ADCY5: variants seen among roughly 807,000 people sequenced by gnomAD.
ADCY5 encodes the protein adenylate cyclase type 5.
ADCY5 carries 30 observed loss-of-function variants against 119.7 expected under a neutral mutation model. The observed-to-expected ratio is 0.25, with a 90% CI of 0.19 to 0.34. The LOEUF (loss-of-function observed/expected upper bound fraction) is 0.34, where lower values mean the gene tolerates loss of function less well. Ranked by LOEUF, ADCY5 falls within the 10% of genes least tolerant of loss-of-function variation. The pLI is 1.00. For missense variants in ADCY5, 1,324 were observed against 1,775.2 expected (o/e 0.75, Z 4.57); for synonymous variants, 753 against 762.2 (o/e 0.99, Z 0.20).
chr3:123,290,913 G>A (rs747671035), intron 18 of ADCY5, among the ~76,000 whole-genome samples, 200 bp downstream of exon 18: 3 of 152,236 alleles, frequency 2.0e-5, no homozygotes, highest in Non-Finnish European at 4.4e-5. Context: ...TCTGTCACAT[G>A]ATGATGAGAG....
At chr3:123,327,813 G>T in intron 6 of ADCY5, 54 bp from the exon 7 acceptor site, 1 of 1,594,556 alleles carries the variant, frequency 6.3e-7, no homozygotes, top group Non-Finnish European at 8.6e-7. Flanking sequence ...AAGTCATAAT[G>T]TCAGCCCCCG....
intron 1 of ADCY5, among the ~76,000 whole-genome samples, chr3:123,442,626 C>G (rs902322038): frequency 1.3e-5 from 2 of 152,224 alleles, no homozygotes; most frequent in African/African-American, 4.8e-5. Context: ...GCTCCTGTTG[C>G]AGACGAACAT....
intron 17 of ADCY5, among the ~76,000 whole-genome samples, chr3:123,292,208 T>G (rs1939195839): frequency 6.6e-6 from 1 of 152,178 alleles, no homozygotes; most frequent in Non-Finnish European, 1.5e-5. Flanking sequence ...CCTAACTAAA[T>G]GAAGACACTT....
chr3:123,314,722 A>C (rs1188121448), intron 11 of ADCY5, among the ~76,000 whole-genome samples: 1 of 152,196 alleles, frequency 6.6e-6, no homozygotes, highest in African/African-American at 2.4e-5. Flanking sequence ...TACTCCCTCC[A>C]AGTCGTCACT....
intron 1 of ADCY5, among the ~76,000 whole-genome samples, chr3:123,383,979 CACAA>C (rs879612406): frequency 0.34 from 50,503 of 150,508 alleles, 8,970 homozygotes; most frequent in Middle Eastern, 0.49. Flanking sequence ...CACACACACA[CACAA>C]ACACACACCC....
At chr3:123,410,859 G>A (rs908050343) in intron 1 of ADCY5, among the ~76,000 whole-genome samples, 1 of 152,030 alleles carries the variant, frequency 6.6e-6, no homozygotes, top group Non-Finnish European at 1.5e-5. Flanking sequence ...TGTTGCCCAG[G>A]CTGCTCTCAA....
chr3:123,371,910 T>C (rs958750667), intron 1 of ADCY5, among the ~76,000 whole-genome samples: 4 of 150,324 alleles, frequency 2.7e-5, no homozygotes, highest in African/African-American at 9.8e-5. Flanking sequence ...GAGAGGGGAG[T>C]GAGGGGATTT....
In ADCY5 at chr3:123,291,267, C is replaced by T. The variant is rs776570997; in HGVS notation, c.3173G>A (p.Arg1058His). 5.0e-6 allele frequency: 8 copies of T among 1,613,874 alleles called. No individual in the cohort carries two copies. The highest frequency in any genetic ancestry group is 3.3e-5 in the Admixed American group (2 of 60,014). Reference protein sequence around the residue: ...VAAHFLARERRNDELYYQSCE... With the variant: ...VAAHFLARERHNDELYYQSCE... ...GGACTGATAGTAGAGCTCATCATTGCGCCGCTCGCGGGCCAGGAAGTGAGC... is the reference window on the plus strand; with the variant it reads ...GGACTGATAGTAGAGCTCATCATTGTGCCGCTCGCGGGCCAGGAAGTGAGC... Residue 1058 changes from arginine (R) to histidine (H), a missense_variant, in exon 18 of 21, where the codon CGC becomes CAC. This residue lies in a region of ADCY5 where 178 missense variants were observed against 329.6 expected (regional missense o/e 0.54). Transcript: ENST00000462833.
intron 2 of ADCY5, among the ~76,000 whole-genome samples, chr3:123,350,489 C>T (rs892263174): frequency 2.0e-5 from 3 of 152,174 alleles, no homozygotes; most frequent in African/African-American, 4.8e-5. Flanking sequence ...TGCTACAAAC[C>T]GTTTGGCTTC....
chr3:123,309,127 T>G (rs1263801526), intron 12 of ADCY5, among the ~76,000 whole-genome samples: 4 of 152,230 alleles, frequency 2.6e-5, no homozygotes, highest in Non-Finnish European at 5.9e-5. Context: ...AACAGTTTGA[T>G]CCTGGCCTCT....
chr3:123,444,900 A>G (rs1945786401), intron 1 of ADCY5, among the ~76,000 whole-genome samples: 2 of 152,206 alleles, frequency 1.3e-5, no homozygotes, highest in Non-Finnish European at 2.9e-5. Flanking sequence ...TCTAATCCCA[A>G]CCACTCTTAC....
rs753374279 is a variant in ADCY5 at position 123,448,216 on chromosome 3, G to A, written c.330C>T (p.Asp110=). ...GCTGCCGGCGGCTGCCGCGACCGCA[G>A]TCGTCGCCGCCGCGCTCCTGCCAGG... is the stretch of plus-strand genomic sequence containing the variant. ...KSAWQERGGD[D]CGRGSRRQRR... The change falls in exon 1 of 21, where the codon GAC becomes GAT. Residue 110 remains aspartate (D), a synonymous_variant. Transcript: ENST00000462833. 1.4e-5 allele frequency: 18 copies of A among 1,314,838 alleles called. No homozygotes were observed. The highest frequency in any genetic ancestry group is 1.1e-4 in the Admixed American group (3 of 27,138). 81.4% of individuals were successfully genotyped at this position (1,314,838 alleles called of 1,614,324 possible). A position where few individuals can be genotyped will look rare whatever the true frequency, so the allele number is the denominator to read the frequency against.
chr3:123,333,003 C>T (rs1941839870), intron 3 of ADCY5, among the ~76,000 whole-genome samples: 1 of 151,920 alleles, frequency 6.6e-6, no homozygotes, highest in East Asian at 1.9e-4. Flanking sequence ...AAGCAATCCA[C>T]CCACCTTGGC....
chr3:123,396,928 C>A (rs1473822338), intron 1 of ADCY5, among the ~76,000 whole-genome samples: 1 of 152,088 alleles, frequency 6.6e-6, no homozygotes, highest in Non-Finnish European at 1.5e-5. Flanking sequence ...GGGCACTTCA[C>A]ACACATGCCT....
At position 123,303,216 on chromosome 3, in the gene ADCY5, T is replaced by A; in HGVS notation, c.2563A>T (p.Thr855Ser). 1 of 1,611,996 alleles carries A rather than the reference T, an allele frequency of 6.2e-7. No homozygotes were observed. Among genetic ancestry groups the A allele is most frequent in the Non-Finnish European group, 8.5e-7 (1 of 1,178,750 alleles). Residue 855 changes from threonine (T) to serine (S), a missense_variant, in exon 14 of 21, where the codon ACG (threonine) becomes TCG (serine). Thr to Ser is a moderately conservative substitution (Grantham distance 58, BLOSUM62 1). Transcript: ENST00000462833. ...CCCAGCAGGTCCCTGGAGTTGCACG[T>A]GAACTGGGGGGAGGAAGGAGGGTGA... ...VFLAAFVNMF[T>S]CNSRDLLGCL...
At chr3:123,354,036 A>C (rs9861425) in intron 1 of ADCY5, among the ~76,000 whole-genome samples, 81,425 of 151,836 alleles carry the variant, frequency 0.54, 22,830 homozygotes, top group African/African-American at 0.7. Context: ...AGCTCCACTG[A>C]CTCAGACGAC....
Position 123,297,149 on chromosome 3 carries a change from G to C in ADCY5, c.2930+204C>G, listed in dbSNP as rs1055654890. Reference sequence around the variant, plus strand: ...ACCACAGAGACTACAGATCACCTTGGCAGGGATCATGAAAGTGACCAGGGC... The same window carrying C: ...ACCACAGAGACTACAGATCACCTTGCCAGGGATCATGAAAGTGACCAGGGC... On this transcript the variant is annotated intron_variant, in intron 16 of 20. Transcript: ENST00000462833. The C allele has an allele frequency of 9.3e-6, 13 of 1,399,616 alleles. No individual in the cohort carries two copies. The African/African-American group carries it at 1.7e-4, about 18-fold the overall frequency. The allele number at this position is 1,399,616 out of a possible 1,614,324, so 86.7% of individuals were successfully genotyped here.
At chr3:123,300,328 A>AGGCCCTGCCCGACCCCG (rs1939773994) in intron 14 of ADCY5, 33 bp from the exon 15 acceptor site, 2 of 1,607,032 alleles carry the variant, frequency 1.2e-6, no homozygotes, top group Admixed American at 1.7e-5. Flanking sequence ...TCAGCTCCCC[A>AGGCCCTGCCCGACCCCG]GGCCCTGCCC....
chr3:123,314,344 GGGA>G (rs773131951), intron 11 of ADCY5, 22 bp from the exon 12 acceptor site: 2 of 1,589,394 alleles, frequency 1.3e-6, no homozygotes, highest in South Asian at 2.2e-5. Context: ...GAGGAGGGGA[GGGA>G]GAAGCCAGGC....
Sources: allele counts gnomAD v4.1 joint callset (sites outside exome capture counted in the v4.1 genomes callset), GRCh38; gene constraint gnomAD v4.1.1; regional missense constraint gnomAD v4.1.1; transcripts MANE v1.5; gene names NCBI Gene and HGNC (gene_info 2026-07-23, HGNC 2026-07-21).